The following OCA2 variants were observed in gnomAD, a reference collection of about 807,000 sequenced individuals.
OCA2 encodes the protein P protein.
Under a neutral mutation model 100.2 loss-of-function variants are expected in OCA2, and 77 were observed. The observed-to-expected ratio is 0.77, with a 90% CI of 0.64 to 0.93. The LOEUF (loss-of-function observed/expected upper bound fraction) is 0.93, where lower values mean the gene tolerates loss of function less well. Among genes scored for constraint, OCA2 ranks in the 40% least tolerant of loss-of-function variants. The pLI is 0.00. For missense variants in OCA2, 1,062 were observed against 1,089.1 expected (o/e 0.98, Z 0.35); for synonymous variants, 432 against 439.2 (o/e 0.98, Z 0.21).
chr15:27,928,853 T>C (rs374707339), intron 18 of OCA2, among the ~76,000 whole-genome samples: 1 of 152,164 alleles, frequency 6.6e-6, no homozygotes, highest in East Asian at 1.9e-4. Flanking sequence ...TCTACCTGGA[T>C]AATCCAGAAA....
Position 27,990,645 on chromosome 15 carries a change from G to T in OCA2, c.1047C>A (p.Ile349=), listed in dbSNP as rs767182132. 1.2e-6 allele frequency: 2 copies of T among 1,613,726 alleles called. No homozygotes were observed. The highest frequency in any genetic ancestry group is 3.3e-5 in the Admixed American group (2 of 60,024). Residue 349 remains isoleucine, a splice_region_variant and synonymous_variant, in exon 10 of 24, where the codon ATC becomes ATA. Transcript: ENST00000354638. ...AGVYALIIFE[I]VHRTLAAMLG... Reference sequence around the variant, plus strand: ...GCATGGCCGCCAGAGTTCTGTGCACGATCTGGAAAGAAGCACAGGAAATTA... The same window carrying T: ...GCATGGCCGCCAGAGTTCTGTGCACTATCTGGAAAGAAGCACAGGAAATTA...
At chr15:27,869,716 G>A (rs529247270) in intron 21 of OCA2, among the ~76,000 whole-genome samples, 1 of 152,300 alleles carries the variant, frequency 6.6e-6, no homozygotes, top group African/African-American at 2.4e-5. Context: ...GGGGTCCTGC[G>A]CTCGGTCCGC....
At chr15:27,886,277 A>C (rs563291335) in intron 19 of OCA2, among the ~76,000 whole-genome samples, 1 of 152,342 alleles carries the variant, frequency 6.6e-6, no homozygotes, top group South Asian at 2.1e-4. Flanking sequence ...ACATGCTGCT[A>C]TCAAAAGCAC....
intron 19 of OCA2, chr15:27,895,755 C>T (rs985245860): frequency 4.3e-5 from 14 of 322,170 alleles, no homozygotes; most frequent in Admixed American, 1.1e-4. Flanking sequence ...AGATATCAAG[C>T]GAAATTTAGA....
At chr15:27,918,924 G>T (rs2038765197) in intron 19 of OCA2, among the ~76,000 whole-genome samples, 1 of 152,150 alleles carries the variant, frequency 6.6e-6, no homozygotes, top group Non-Finnish European at 1.5e-5. Flanking sequence ...TTTCAGTTTG[G>T]TTCCCCTAAT....
chr15:27,990,800 C>T (rs2041531830), intron 9 of OCA2, among the ~76,000 whole-genome samples, 153 bp from the exon 10 acceptor site: 1 of 152,202 alleles, frequency 6.6e-6, no homozygotes, highest in Admixed American at 6.5e-5. Context: ...CAGGCCTGGA[C>T]ACCCCACAGA....
chr15:27,895,725 A>C, intron 19 of OCA2: 1 of 256,084 alleles, frequency 3.9e-6, no homozygotes, highest in Non-Finnish European at 7.7e-6. Flanking sequence ...AAAGTTGTTA[A>C]GAATAAAGCC....
chr15:28,034,222 G>T (rs1047490176), intron 2 of OCA2, among the ~76,000 whole-genome samples: 22 of 152,112 alleles, frequency 1.4e-4, no homozygotes, highest in African/African-American at 5.3e-4. Context: ...AGGCCAGGAG[G>T]TCAAGGCTGC....
chr15:27,871,799 T>A lies in OCA2; in HGVS notation c.2139+64A>T, dbSNP rs113366479. 5,013 of 1,191,816 alleles carry A rather than the reference T, an allele frequency of 4.2e-3. 134 individuals are homozygous for A. The African/African-American group carries it at 0.062, about 15-fold the overall frequency. 73.8% of individuals were successfully genotyped at this position (1,191,816 alleles called of 1,614,324 possible). A position where few individuals can be genotyped will look rare whatever the true frequency, so the allele number is the denominator to read the frequency against. On this transcript the variant is annotated intron_variant, in intron 20 of 23. Coordinates refer to ENST00000354638, the MANE Select transcript of OCA2 (RefSeq NM_000275.3). ...TTCTTACCAGAGTGCTTTTTTTTTT[T>A]AATTTTTTTCACAAAATCAAAGAAC...
intron 9 of OCA2, among the ~76,000 whole-genome samples, chr15:28,014,499 C>T (rs1451398516): frequency 6.6e-6 from 1 of 152,136 alleles, no homozygotes; most frequent in African/African-American, 2.4e-5. Context: ...GAGTGAGCAG[C>T]GGAGAGAGAG....
intron 18 of OCA2, among the ~76,000 whole-genome samples, chr15:27,935,242 C>T (rs1175197735): frequency 6.6e-6 from 1 of 152,166 alleles, no homozygotes; most frequent in African/African-American, 2.4e-5. Flanking sequence ...GTACCATTTA[C>T]GTGACCTGTC....
chr15:28,092,315 G>A (rs556666656), intron 1 of OCA2, among the ~76,000 whole-genome samples: 1 of 152,298 alleles, frequency 6.6e-6, no homozygotes, highest in African/African-American at 2.4e-5. Flanking sequence ...TGATCATGGT[G>A]ATGGTCACAC....
intron 23 of OCA2, among the ~76,000 whole-genome samples, chr15:27,781,893 C>G (rs1182781381): frequency 6.6e-6 from 1 of 152,210 alleles, no homozygotes; most frequent in Non-Finnish European, 1.5e-5. Context: ...AGACTGAGGT[C>G]TGAGGAGTCA....
intron 2 of OCA2, among the ~76,000 whole-genome samples, chr15:28,080,669 G>C (rs1411656775): frequency 6.6e-6 from 1 of 152,226 alleles, no homozygotes; most frequent in African/African-American, 2.4e-5. Flanking sequence ...TTTGTTAAAG[G>C]CTGGAGAGAC....
chr15:28,098,158 T>C (rs556390911), intron 1 of OCA2, among the ~76,000 whole-genome samples: 1 of 152,262 alleles, frequency 6.6e-6, no homozygotes, highest in Admixed American at 6.5e-5. Context: ...TAGGGACTTA[T>C]GATCCTAAAT....
At chr15:28,032,570 G>A (rs1393145730) in intron 2 of OCA2, among the ~76,000 whole-genome samples, 1 of 151,968 alleles carries the variant, frequency 6.6e-6, no homozygotes, top group Non-Finnish European at 1.5e-5. Flanking sequence ...TGAACCACAA[G>A]GTCAGGAGTT....
intron 19 of OCA2, among the ~76,000 whole-genome samples, chr15:27,874,355 G>A (rs2036703001): frequency 6.6e-6 from 1 of 152,194 alleles, no homozygotes; most frequent in African/African-American, 2.4e-5. Context: ...TGTGAGGGTT[G>A]TAGGCTCCAC....
intron 2 of OCA2, among the ~76,000 whole-genome samples, chr15:28,037,767 T>TA (rs1380152838): frequency 6.6e-6 from 1 of 152,220 alleles, no homozygotes; most frequent in Non-Finnish European, 1.5e-5. Context: ...GGCTCCCAGC[T>TA]GCTGAGGGCA....
At chr15:27,972,866 TTATTTTATTTTA>T (rs2040845288) in intron 14 of OCA2, among the ~76,000 whole-genome samples, 4 of 48,052 alleles carry the variant, frequency 8.3e-5, no homozygotes, top group African/African-American at 1.6e-4. Context: ...TTATTTTATT[TTATTTTATTTTA>T]TTTTTGTGAC....
Sources: gnomAD v4.1 joint callset for allele counts (sites outside exome capture counted in the v4.1 genomes callset) on GRCh38, gnomAD v4.1.1 for gene constraint, MANE v1.5 for transcripts, NCBI Gene and HGNC (gene_info 2026-07-23, HGNC 2026-07-21) for gene names.